The following SFXN5 variants were observed in gnomAD, a reference collection of about 807,000 sequenced individuals.
SFXN5 encodes sideroflexin-5.
Under a neutral mutation model 50.2 loss-of-function variants are expected in SFXN5, and 43 were observed. The ratio of observed to expected loss-of-function variants is 0.86; its 90% CI spans 0.67 to 1.11. The LOEUF is 1.11. Among genes scored for constraint, SFXN5 ranks in the 50% least tolerant of loss-of-function variants. The pLI, the probability that SFXN5 is intolerant of heterozygous loss-of-function variation, is 0.00. For missense variants in SFXN5, 463 were observed against 454.1 expected (o/e 1.02, Z -0.18); for synonymous variants, 203 against 185.8 (o/e 1.09, Z -0.75).
At chr2:73,025,037 AAAT>A (rs1677383482) in intron 3 of SFXN5, among the ~76,000 whole-genome samples, 1 of 152,192 alleles carries the variant, frequency 6.6e-6, no homozygotes, top group South Asian at 2.1e-4. Flanking sequence ...GATGTTTAAA[AAAT>A]AATAATTGGG....
intron 12 of SFXN5, among the ~76,000 whole-genome samples, chr2:72,964,557 G>A (rs1024443546): frequency 1.3e-5 from 2 of 152,210 alleles, no homozygotes; most frequent in Non-Finnish European, 1.5e-5. Flanking sequence ...CCTAGATTTT[G>A]TTTTCCTACC....
intron 13 of SFXN5, among the ~76,000 whole-genome samples, chr2:72,955,280 G>A (rs779445716): frequency 4.6e-5 from 7 of 151,916 alleles, no homozygotes; most frequent in Non-Finnish European, 8.8e-5. Context: ...TCGCTCGCCC[G>A]CCCGCCGCCC....
At chr2:72,977,974 GAAA>G (rs56975766) in intron 10 of SFXN5, among the ~76,000 whole-genome samples, 2 of 40,918 alleles carry the variant, frequency 4.9e-5, no homozygotes, top group Admixed American at 5.6e-4. Context: ...CTCTGCCTCA[GAAA>G]AAAAAAAAAA....
At chr2:73,062,618 T>A (rs1682894359) in intron 1 of SFXN5, among the ~76,000 whole-genome samples, 1 of 152,154 alleles carries the variant, frequency 6.6e-6, no homozygotes, top group Non-Finnish European at 1.5e-5. Flanking sequence ...CACAGACACC[T>A]ACAAACTCCT....
At chr2:73,015,663 T>G (rs1204028992) in intron 6 of SFXN5, among the ~76,000 whole-genome samples, 1 of 152,204 alleles carries the variant, frequency 6.6e-6, no homozygotes, top group Non-Finnish European at 1.5e-5. Context: ...GTTCAGCTCT[T>G]CCTTTGGGAA....
chr2:72,969,371 CTTT>C (rs969333673), intron 11 of SFXN5, among the ~76,000 whole-genome samples: 16 of 152,068 alleles, frequency 1.1e-4, no homozygotes, highest in African/African-American at 3.6e-4. Flanking sequence ...CTGGAATTTA[CTTT>C]TTTTTGTTGT....
chr2:72,962,707 G>A (rs1262836139), intron 12 of SFXN5, among the ~76,000 whole-genome samples: 1 of 152,230 alleles, frequency 6.6e-6, no homozygotes, highest in African/African-American at 2.4e-5. Context: ...CACACAGTAA[G>A]TGCTCAGAAA....
chr2:73,045,057 GGA>G (rs774240751), intron 2 of SFXN5, among the ~76,000 whole-genome samples: 1 of 152,196 alleles, frequency 6.6e-6, no homozygotes, highest in Admixed American at 6.5e-5. Flanking sequence ...ATCTCTTCTT[GGA>G]GAGACCAGGC....
At chr2:72,981,672 T>C (rs753062008) in intron 10 of SFXN5, among the ~76,000 whole-genome samples, 2 of 152,180 alleles carry the variant, frequency 1.3e-5, no homozygotes, top group Non-Finnish European at 2.9e-5. Context: ...CTGTGTCCTC[T>C]TGGGGCCTGA....
chr2:72,993,072 AC>A (rs1316870827), intron 9 of SFXN5, among the ~76,000 whole-genome samples: 3 of 152,032 alleles, frequency 2.0e-5, no homozygotes, highest in African/African-American at 7.3e-5. Context: ...CAGTCTACAG[AC>A]TCTATTGCAT....
chr2:73,034,950 C>A (rs959768273), intron 3 of SFXN5, among the ~76,000 whole-genome samples: 2 of 152,308 alleles, frequency 1.3e-5, no homozygotes, highest in East Asian at 3.9e-4. Context: ...TTCTCTCTGT[C>A]TCTGTCACTT....
chr2:72,989,500 T>C (rs1286454770), intron 9 of SFXN5, among the ~76,000 whole-genome samples: 4 of 152,110 alleles, frequency 2.6e-5, no homozygotes, highest in African/African-American at 4.8e-5. Context: ...TATATAATCA[T>C]GATGTCACGG....
intron 6 of SFXN5, among the ~76,000 whole-genome samples, chr2:73,019,058 A>G (rs1676508592): frequency 6.6e-6 from 1 of 152,244 alleles, no homozygotes. Flanking sequence ...TAGTATGAAT[A>G]AAGAAATTCT....
At chr2:73,013,003 A>T (rs2105781138) in intron 6 of SFXN5, among the ~76,000 whole-genome samples, 1 of 152,200 alleles carries the variant, frequency 6.6e-6, no homozygotes, top group Admixed American at 6.5e-5. Flanking sequence ...AAACTAAAGA[A>T]ACTAAAGGAC....
intron 9 of SFXN5, chr2:72,997,354 G>C (rs993062708): frequency 6.6e-6 from 1 of 152,296 alleles, no homozygotes; most frequent in African/African-American, 2.4e-5. Flanking sequence ...TTTACTTAAT[G>C]GCACTGGAAA....
chr2:73,058,483 A>C, intron 2 of SFXN5, 45 bp downstream of exon 2: 2 of 1,564,430 alleles, frequency 1.3e-6, no homozygotes, highest in Non-Finnish European at 1.8e-6. Context: ...TGAAATGACA[A>C]GGTACAAAGG....
intron 12 of SFXN5, among the ~76,000 whole-genome samples, chr2:72,962,348 G>A (rs1673845342): frequency 6.6e-6 from 1 of 152,238 alleles, no homozygotes; most frequent in Non-Finnish European, 1.5e-5. Context: ...GCCCCAATGT[G>A]GCGGGCAGTA....
In SFXN5 at chr2:72,957,556, G is replaced by A. The variant is rs573142389; in HGVS notation, c.945+3575C>T. On this transcript the variant is annotated intron_variant, in intron 13 of 13. Coordinates refer to ENST00000272433, the MANE Select transcript of SFXN5 (RefSeq NM_144579.3). Reference sequence around the variant, plus strand: ...CGAGTCCCCTGATTAGTTAATTGGTGTTCCAGTGATTACTTCTGTTGACAA... The same window carrying A: ...CGAGTCCCCTGATTAGTTAATTGGTATTCCAGTGATTACTTCTGTTGACAA... Among the ~76,000 whole-genome samples, 16 of 152,366 alleles carry A rather than the reference G, an allele frequency of 1.1e-4. 1 individual carries two copies. The highest frequency in any genetic ancestry group is 3.6e-4 in the African/African-American group (15 of 41,582).
chr2:72,958,393 G>T (rs1207918913), intron 13 of SFXN5, among the ~76,000 whole-genome samples: 1 of 152,204 alleles, frequency 6.6e-6, no homozygotes, highest in Non-Finnish European at 1.5e-5. Context: ...CCTTGGGCTG[G>T]TCCCATGGCT....
Sources: gnomAD v4.1 joint callset for allele counts (sites outside exome capture counted in the v4.1 genomes callset) on GRCh38, gnomAD v4.1.1 for gene constraint, MANE v1.5 for transcripts, NCBI Gene and HGNC (gene_info 2026-07-23, HGNC 2026-07-21) for gene names.